GRIP1: variants seen among roughly 807,000 people sequenced by gnomAD.
GRIP1 encodes the protein glutamate receptor-interacting protein 1.
A neutral mutation model predicts 129.9 loss-of-function variants in GRIP1; 45 were observed. The ratio of observed to expected loss-of-function variants is 0.35; its 90% CI spans 0.27 to 0.44. The LOEUF is 0.44. Among genes scored for constraint, GRIP1 ranks in the 20% least tolerant of loss-of-function variants. The probability of loss-of-function intolerance (pLI) is 1.00; values close to 1 mark genes in which losing one functional copy is unlikely to be tolerated. For missense variants in GRIP1, 1,196 were observed against 1,396.8 expected (o/e 0.86, Z 2.29); for synonymous variants, 530 against 520.8 (o/e 1.02, Z -0.24).
intron 24 of GRIP1, among the ~76,000 whole-genome samples, chr12:66,350,130 C>A (rs1043264766): frequency 6.6e-5 from 10 of 152,122 alleles, no homozygotes; most frequent in Middle Eastern, 3.2e-3. Context: ...AACCCCACTT[C>A]GTTTTGATCC....
chr12:66,958,748 T>C (rs2041880153), intron 1 of GRIP1, among the ~76,000 whole-genome samples: 1 of 152,226 alleles, frequency 6.6e-6, no homozygotes. Context: ...TTAGGTATTA[T>C]AAACAATACT....
intron 7 of GRIP1, among the ~76,000 whole-genome samples, chr12:66,482,596 C>T (rs371787957): frequency 6.6e-6 from 1 of 152,116 alleles, no homozygotes; most frequent in Non-Finnish European, 1.5e-5. Context: ...TGGTATTAAG[C>T]CTGTTTCCCT....
At chr12:66,516,937 C>G (rs2060862164) in intron 6 of GRIP1, among the ~76,000 whole-genome samples, 1 of 152,156 alleles carries the variant, frequency 6.6e-6, no homozygotes, top group Non-Finnish European at 1.5e-5. Context: ...GCAGTTCTGT[C>G]ATCTGTAAAT....
chr12:66,641,299 C>A (rs2031901300), intron 1 of GRIP1, among the ~76,000 whole-genome samples: 2 of 152,166 alleles, frequency 1.3e-5, no homozygotes, highest in South Asian at 4.1e-4. Context: ...GGGGCAAGGG[C>A]AGCTAAGCCA....
chr12:67,001,058 A>G (rs1308632104), intron 1 of GRIP1, among the ~76,000 whole-genome samples: 2 of 152,222 alleles, frequency 1.3e-5, no homozygotes, highest in African/African-American at 4.8e-5. Flanking sequence ...TTCTGAAACC[A>G]TCTTCACTTA....
At chr12:67,049,201 C>A (rs2043301900) in intron 1 of GRIP1, among the ~76,000 whole-genome samples, 1 of 152,154 alleles carries the variant, frequency 6.6e-6, no homozygotes, top group Admixed American at 6.6e-5. Context: ...AATTCTGTTT[C>A]ATAAACAATT....
intron 5 of GRIP1, among the ~76,000 whole-genome samples, chr12:66,525,328 C>T (rs1746026122): frequency 6.6e-6 from 1 of 152,096 alleles, no homozygotes; most frequent in South Asian, 2.1e-4. Context: ...AAAGCTTATC[C>T]ACCATGATCA....
chr12:66,433,117 T>C (rs926250205), intron 13 of GRIP1, among the ~76,000 whole-genome samples: 2 of 152,124 alleles, frequency 1.3e-5, no homozygotes, highest in Non-Finnish European at 2.9e-5. Flanking sequence ...TGTTTGAAGG[T>C]ACCTGGGAAA....
At chr12:66,952,979 C>T (rs1347815345) in intron 1 of GRIP1, among the ~76,000 whole-genome samples, 4 of 152,194 alleles carry the variant, frequency 2.6e-5, no homozygotes, top group Non-Finnish European at 5.9e-5. Flanking sequence ...CTATGCCACA[C>T]ATAGATATTT....
At chr12:66,908,846 A>T (rs2040980706) in intron 1 of GRIP1, among the ~76,000 whole-genome samples, 1 of 152,166 alleles carries the variant, frequency 6.6e-6, no homozygotes, top group African/African-American at 2.4e-5. Context: ...CTGGAGAATG[A>T]CTACCTTGAA....
chr12:66,913,349 A>C (rs2041064531), intron 1 of GRIP1, among the ~76,000 whole-genome samples: 1 of 152,182 alleles, frequency 6.6e-6, no homozygotes, highest in African/African-American at 2.4e-5. Context: ...TATGGAATAC[A>C]GTTTAGAAAA....
chr12:66,484,094 C>T (rs1017379989), intron 7 of GRIP1, among the ~76,000 whole-genome samples: 4 of 152,088 alleles, frequency 2.6e-5, no homozygotes, highest in South Asian at 4.2e-4. Context: ...CTCCTGACCT[C>T]GTGATCCGCC....
intron 7 of GRIP1, among the ~76,000 whole-genome samples, chr12:66,482,001 G>T (rs1475151195): frequency 6.6e-6 from 1 of 152,126 alleles, no homozygotes; most frequent in Non-Finnish European, 1.5e-5. Context: ...TAATGTAGAA[G>T]ACAGGTTGAT....
chr12:66,942,704 G>A lies in GRIP1; in HGVS notation c.58+126346C>T, dbSNP rs760709574. Among the ~76,000 whole-genome samples, 102 of 152,262 alleles carry A rather than the reference G, an allele frequency of 6.7e-4. No individual in the cohort carries two copies. The Middle Eastern group carries it at 0.014, about 20-fold the overall frequency. On this transcript the variant is annotated intron_variant, in intron 1 of 1. Transcript: ENST00000643019. ...GAGCCTGTGACTTGGTAAAGAGGGG[G>A]CAGTGTAATGGACTGCATGTTTGTG...
At chr12:66,715,477 A>T (rs139378827) in intron 1 of GRIP1, among the ~76,000 whole-genome samples, 42,911 of 87,072 alleles carry the variant, frequency 0.49, 7,569 homozygotes, top group South Asian at 0.52. Flanking sequence ...TGTGTGAGAG[A>T]GAGAGAGAGA....
At chr12:66,403,126 AT>A (rs71096100) in intron 16 of GRIP1, among the ~76,000 whole-genome samples, 45 of 149,568 alleles carry the variant, frequency 3.0e-4, no homozygotes, top group South Asian at 6.4e-4. Flanking sequence ...CTGAGGTCTG[AT>A]TTTTTTTTTT....
intron 1 of GRIP1, among the ~76,000 whole-genome samples, chr12:66,724,747 C>T (rs567008238): frequency 1.3e-5 from 2 of 152,318 alleles, no homozygotes; most frequent in African/African-American, 4.8e-5. Context: ...GACCACATCA[C>T]CATTTGCTGC....
At chr12:66,386,352 G>A (rs773482901) in intron 19 of GRIP1, among the ~76,000 whole-genome samples, 2 of 152,018 alleles carry the variant, frequency 1.3e-5, no homozygotes, top group African/African-American at 2.4e-5. Flanking sequence ...TTCAATTTTC[G>A]GCCGGGCGCT....
chr12:66,778,182 G>A (rs1354850000), intron 1 of GRIP1, among the ~76,000 whole-genome samples: 1 of 152,064 alleles, frequency 6.6e-6, no homozygotes, highest in East Asian at 1.9e-4. Flanking sequence ...GGCTACAGTA[G>A]AATATACAAT....
Sources: allele counts gnomAD v4.1 joint callset (sites outside exome capture counted in the v4.1 genomes callset), GRCh38; gene constraint gnomAD v4.1.1; transcripts MANE v1.5; gene names NCBI Gene and HGNC (gene_info 2026-07-23, HGNC 2026-07-21).